The following ITGA11 variants were observed in gnomAD, a reference collection of about 807,000 sequenced individuals.
ITGA11 encodes integrin subunit alpha 11.
ITGA11 carries 97 observed loss-of-function variants against 141.9 expected under a neutral mutation model. The observed-to-expected ratio is 0.68, with a 90% CI of 0.58 to 0.81. ITGA11 has a LOEUF of 0.81. Among genes scored for constraint, ITGA11 ranks in the 30% least tolerant of loss-of-function variants. The pLI, the probability that ITGA11 is intolerant of heterozygous loss-of-function variation, is 0.00. For missense variants in ITGA11, 1,387 were observed against 1,559.2 expected (o/e 0.89, Z 1.86); for synonymous variants, 658 against 624.6 (o/e 1.05, Z -0.80).
At chr15:68,331,317 C>T (rs1294248790) in intron 14 of ITGA11, among the ~76,000 whole-genome samples, 4 of 152,120 alleles carry the variant, frequency 2.6e-5, no homozygotes, top group East Asian at 3.8e-4. Context: ...ATTAAAATAT[C>T]GTGTCTTAAA....
chr15:68,352,917 T>TA (rs1453082982), intron 7 of ITGA11, among the ~76,000 whole-genome samples: 1 of 152,166 alleles, frequency 6.6e-6, no homozygotes, highest in Non-Finnish European at 1.5e-5. Flanking sequence ...GGCCCTCCTT[T>TA]AGACCATGAG....
At chr15:68,342,997 TTC>T (rs6145615) in intron 10 of ITGA11, among the ~76,000 whole-genome samples, 29,947 of 143,026 alleles carry the variant, frequency 0.21, 3,170 homozygotes, top group Middle Eastern at 0.36. Flanking sequence ...GGGCAAGTTC[TTC>T]TCTCTCTCTC....
In ITGA11 at chr15:68,358,440, A is replaced by G. The variant is rs1316722684; in HGVS notation, c.600+18T>C. The G allele has an allele frequency of 6.3e-7, 1 of 1,595,338 alleles. No individual in the cohort carries two copies. Among genetic ancestry groups the G allele is most frequent in the Admixed American group, 1.7e-5 (1 of 57,748 alleles). ...GGTGGCCCTGTTCAGAAGTGGAAAGAGCCCAAGAGATGCTCACCTGGATCT... is the reference window on the plus strand; with the variant it reads ...GGTGGCCCTGTTCAGAAGTGGAAAGGGCCCAAGAGATGCTCACCTGGATCT... On this transcript the variant is annotated intron_variant, in intron 6 of 29. Coordinates refer to ENST00000315757, the MANE Select transcript of ITGA11 (RefSeq NM_001004439.2).
chr15:68,414,619 GCCT>G (rs529150575), intron 1 of ITGA11, among the ~76,000 whole-genome samples: 13 of 152,260 alleles, frequency 8.5e-5, no homozygotes, highest in African/African-American at 2.6e-4. Context: ...TGTGTGTTCC[GCCT>G]CCTCTGGACT....
rs1340743010 is a variant in ITGA11, at chr15:68,301,908, G to GAT, written c.*1150_*1151insAT. The GAT allele has an allele frequency of 4.6e-5, 7 of 152,682 alleles. No homozygotes were observed. The highest frequency in any genetic ancestry group is 8.8e-5 in the Non-Finnish European group (6 of 68,146). 9.5% of individuals were successfully genotyped at this position (152,682 alleles called of 1,614,324 possible). A position where few individuals can be genotyped will look rare whatever the true frequency, so the allele number is the denominator to read the frequency against. On this transcript the variant is annotated 3_prime_UTR_variant, in exon 30 of 30. Coordinates refer to ENST00000315757, the MANE Select transcript of ITGA11 (RefSeq NM_001004439.2). This position sits in a 1 kb window ranked among gnomAD's most constrained non-coding sequence, Gnocchi z 4.4. Reference sequence around the variant, plus strand: ...GGTCATACCACTTGTCCTGGGGGCCGGCAGATGAGATATTTGCCACCAAGG... The same window carrying GAT: ...GGTCATACCACTTGTCCTGGGGGCCGATGCAGATGAGATATTTGCCACCAAGG...
rs1482609491 is a variant in ITGA11 at position 68,306,241 on chromosome 15, G to T, written c.3381+1107C>A. 5.3e-5 allele frequency among the ~76,000 whole-genome samples: 8 copies of T among 150,672 alleles called. No individual in the cohort carries two copies. In the East Asian group the frequency reaches 5.9e-4, roughly 11 times the overall value. On this transcript the variant is annotated intron_variant, in intron 28 of 29. Transcript: ENST00000315757. ...TCCAGAGAGTATAGAGGAATTTTTT[G>T]GGGGGTTGAGTGGGGGTGGAAGAAG...
chr15:68,405,458 G>T (rs12050670), intron 1 of ITGA11, among the ~76,000 whole-genome samples: 70,737 of 151,734 alleles, frequency 0.47, 16,916 homozygotes, highest in Middle Eastern at 0.59. Flanking sequence ...CCACTCTATC[G>T]TCACGATTCC....
intron 11 of ITGA11, 43 bp downstream of exon 11, chr15:68,339,457 C>A: frequency 6.3e-7 from 1 of 1,578,992 alleles, no homozygotes; most frequent in Non-Finnish European, 8.6e-7. Context: ...GGGTGCCCTC[C>A]CGGCCCACGA....
At chr15:68,415,409 G>A (rs763673210) in intron 1 of ITGA11, among the ~76,000 whole-genome samples, 34 of 152,196 alleles carry the variant, frequency 2.2e-4, no homozygotes, top group Non-Finnish European at 3.7e-4. Context: ...TAGAGAGACT[G>A]GCCACAGAAG....
rs1379776629 is a variant in ITGA11, at chr15:68,297,731, A to C, written c.*5328T>G. The C allele has an allele frequency of 6.6e-6, 1 of 152,148 alleles. No homozygotes were observed. Among genetic ancestry groups the C allele is most frequent in the Admixed American group, 6.5e-5 (1 of 15,272 alleles). The allele number at this position is 152,148 out of a possible 1,614,324, so 9.4% of individuals were successfully genotyped here. A position where few individuals can be genotyped will look rare whatever the true frequency, so the allele number is the denominator to read the frequency against. ...TATGGCATTCTCATTTCCAGCCTTC[A>C]CATCTCAGGAGAGTATTAAAGGGTG... On this transcript the variant is annotated 3_prime_UTR_variant, in exon 30 of 30. Coordinates refer to ENST00000315757, the MANE Select transcript of ITGA11 (RefSeq NM_001004439.2).
At chr15:68,372,534 G>A (rs566094730) in intron 2 of ITGA11, among the ~76,000 whole-genome samples, 20 of 152,356 alleles carry the variant, frequency 1.3e-4, no homozygotes, top group African/African-American at 4.6e-4. Context: ...CTGCGGAGGC[G>A]CAGGGAGCAG....
At chr15:68,351,891 T>C (rs1346641886) in intron 7 of ITGA11, among the ~76,000 whole-genome samples, 1 of 152,022 alleles carries the variant, frequency 6.6e-6, no homozygotes. Flanking sequence ...GAGACTAGCC[T>C]GACTAACATG....
chr15:68,375,100 C>T (rs1326051814), intron 2 of ITGA11, among the ~76,000 whole-genome samples: 4 of 152,140 alleles, frequency 2.6e-5, no homozygotes, highest in Non-Finnish European at 5.9e-5. Context: ...GGAGTGAGGC[C>T]TGTCCTCTCT....
intron 11 of ITGA11, among the ~76,000 whole-genome samples, chr15:68,339,061 T>C (rs1894469190): frequency 6.6e-6 from 1 of 152,212 alleles, no homozygotes; most frequent in Non-Finnish European, 1.5e-5. Flanking sequence ...AAGTGCTTCA[T>C]GGGCAGCGAC....
Position 68,320,306 on chromosome 15 carries a change from T to C in ITGA11, c.2495A>G (p.Glu832Gly), listed in dbSNP as rs779000618. ...LSFDTTVFII[E>G]STRQRVAVEA... is the part of the protein sequence containing the mutation. ...CACCGCCACTCGCTGGCGTGTGCTC[T>C]CTATGATGAAGACTGTGGTGTCGAA... The change falls in exon 20 of 30, where the codon GAG becomes GGG. Residue 832 changes from glutamate (E) to glycine (G), a missense_variant. Transcript: ENST00000315757. 6.8e-6 allele frequency: 11 copies of C among 1,613,840 alleles called. No homozygotes were observed. Among genetic ancestry groups the C allele is most frequent in the Middle Eastern group, 1.6e-4 (1 of 6,084 alleles).
At chr15:68,365,747 T>G (rs1220086516) in intron 3 of ITGA11, among the ~76,000 whole-genome samples, 1 of 152,018 alleles carries the variant, frequency 6.6e-6, no homozygotes, top group Non-Finnish European at 1.5e-5. Context: ...TTTCTTTTCT[T>G]TTTTTTGAGG....
rs753773968 is a variant in ITGA11, at chr15:68,403,037, A to AG, written c.53-9dup. On this transcript the variant is annotated splice_polypyrimidine_tract_variant and intron_variant, in intron 1 of 29. Transcript: ENST00000315757. ...TGAAGGTGTCCGTGAACCCTGAGGCAGGGGGAGAGGAGAGGAGAAGCAGGG... is the reference window on the plus strand; with the variant it reads ...TGAAGGTGTCCGTGAACCCTGAGGCAGGGGGGAGAGGAGAGGAGAAGCAGGG... 6.3e-7 allele frequency: 1 copy of AG among 1,591,850 alleles called. No homozygotes were observed.
rs1398111391 is a variant in ITGA11, at chr15:68,335,191, TG to T, written c.1425+505del. Among the ~76,000 whole-genome samples the T allele has an allele frequency of 6.6e-6, 1 of 151,472 alleles. No individual in the cohort carries two copies. The highest frequency in any genetic ancestry group is 1.5e-5 in the Non-Finnish European group (1 of 67,830). ...TTTGGGGTTATTTGGGGTCAGGAGGTGGCATGATGCAGGCAGCCCCACCAAG... is the reference window on the plus strand; with the variant it reads ...TTTGGGGTTATTTGGGGTCAGGAGGTGCATGATGCAGGCAGCCCCACCAAG... On this transcript the variant is annotated intron_variant, in intron 12 of 29. Coordinates refer to ENST00000315757, the MANE Select transcript of ITGA11 (RefSeq NM_001004439.2). This position sits in a 1 kb window ranked among gnomAD's most constrained non-coding sequence, Gnocchi z 4.9.
At chr15:68,340,998 G>T (rs146470217) in intron 10 of ITGA11, among the ~76,000 whole-genome samples, 1 of 152,276 alleles carries the variant, frequency 6.6e-6, no homozygotes, top group African/African-American at 2.4e-5. Flanking sequence ...TCTCTCCCAC[G>T]GAGCCTTCCC....
Sources: allele counts gnomAD v4.1 joint callset (sites outside exome capture counted in the v4.1 genomes callset), GRCh38; gene constraint gnomAD v4.1.1; non-coding constraint Gnocchi (gnomAD v3.1); transcripts MANE v1.5; gene names NCBI Gene and HGNC (gene_info 2026-07-23, HGNC 2026-07-21).